RIMS1: variants seen among roughly 807,000 people sequenced by gnomAD.
RIMS1 encodes regulating synaptic membrane exocytosis 1, also known as regulating synaptic membrane exocytosis protein 1.
A neutral mutation model predicts 214.1 loss-of-function variants in RIMS1; 83 were observed. The observed-to-expected ratio is 0.39, with a 90% CI of 0.32 to 0.47. The LOEUF is 0.47. Among genes scored for constraint, RIMS1 ranks in the 20% least tolerant of loss-of-function variants. The probability of loss-of-function intolerance (pLI) is 0.99; values close to 1 mark genes in which losing one functional copy is unlikely to be tolerated. For synonymous variants in RIMS1, 793 were observed against 786.8 expected (o/e 1.01, Z -0.13); for missense variants, 2,050 against 2,161.8 (o/e 0.95, Z 1.03).
chr6:72,042,161 A>G (rs1005413616), intron 2 of RIMS1, among the ~76,000 whole-genome samples: 1 of 151,890 alleles, frequency 6.6e-6, no homozygotes, highest in Non-Finnish European at 1.5e-5. Flanking sequence ...TCACAAATTG[A>G]CTAAACTTTC....
intron 4 of RIMS1, among the ~76,000 whole-genome samples, chr6:72,178,423 A>G (rs1302073227): frequency 5.9e-5 from 9 of 151,880 alleles, no homozygotes; most frequent in Admixed American, 5.9e-4. Flanking sequence ...TTCTTTTACT[A>G]TTTTCTATTA....
chr6:72,247,395 C>T (rs1590394816), intron 11 of RIMS1, among the ~76,000 whole-genome samples: 1 of 151,824 alleles, frequency 6.6e-6, no homozygotes, highest in Non-Finnish European at 1.5e-5. Flanking sequence ...ATTAGCCGGA[C>T]GTGTTGGTGC....
chr6:72,146,550 C>T (rs2042780574), intron 4 of RIMS1, among the ~76,000 whole-genome samples: 1 of 152,096 alleles, frequency 6.6e-6, no homozygotes, highest in African/African-American at 2.4e-5. Flanking sequence ...TTAGAAAACC[C>T]TGTTGTGCTT....
chr6:72,025,216 C>CT (rs1050808444), intron 2 of RIMS1, among the ~76,000 whole-genome samples: 20 of 152,020 alleles, frequency 1.3e-4, no homozygotes, highest in Non-Finnish European at 2.6e-4. Context: ...GTCTGCGTTC[C>CT]TTTTTTGCCA....
intron 1 of RIMS1, among the ~76,000 whole-genome samples, chr6:71,924,570 G>C (rs1780988707): frequency 6.7e-6 from 1 of 148,434 alleles, no homozygotes; most frequent in South Asian, 2.1e-4. Flanking sequence ...AAGACCGACT[G>C]ATTGCTTAAG....
chr6:72,324,330 C>A (rs1339062298), intron 28 of RIMS1, among the ~76,000 whole-genome samples: 1 of 151,878 alleles, frequency 6.6e-6, no homozygotes, highest in Non-Finnish European at 1.5e-5. Flanking sequence ...ACAGATCTTG[C>A]ATTATTTTGA....
intron 6 of RIMS1, among the ~76,000 whole-genome samples, chr6:72,200,900 G>A (rs905013025): frequency 7.8e-6 from 1 of 128,414 alleles, no homozygotes; most frequent in Non-Finnish European, 1.8e-5. Context: ...TGTGTGTGTG[G>A]TCTGAGCTAA....
chr6:71,990,642 C>T (rs766180417), intron 2 of RIMS1, among the ~76,000 whole-genome samples: 2 of 151,930 alleles, frequency 1.3e-5, no homozygotes, highest in African/African-American at 2.4e-5. Context: ...TCGGAGATGG[C>T]TTCCATGAGA....
At chr6:71,920,628 A>T (rs549380188) in intron 1 of RIMS1, among the ~76,000 whole-genome samples, 87 of 152,284 alleles carry the variant, frequency 5.7e-4, no homozygotes, top group African/African-American at 2.0e-3. Flanking sequence ...CAATGTTTTT[A>T]TACAAATGAG....
At chr6:72,286,204 A>C (rs1053267959) in intron 24 of RIMS1, among the ~76,000 whole-genome samples, 1 of 152,194 alleles carries the variant, frequency 6.6e-6, no homozygotes, top group African/African-American at 2.4e-5. Context: ...TCTCAAAAAA[A>C]AAAAAAAATT....
At chr6:72,127,610 A>G (rs1400430497) in intron 4 of RIMS1, among the ~76,000 whole-genome samples, 1 of 152,158 alleles carries the variant, frequency 6.6e-6, no homozygotes, top group Non-Finnish European at 1.5e-5. Context: ...TACACTGGCT[A>G]GTACAGACAC....
chr6:72,193,194 G>A (rs1490657744), intron 6 of RIMS1, among the ~76,000 whole-genome samples: 1 of 152,224 alleles, frequency 6.6e-6, no homozygotes, highest in Admixed American at 6.5e-5. Flanking sequence ...CTGATGTGAA[G>A]AACTTATTGC....
At chr6:71,983,111 A>T (rs1462944072) in intron 2 of RIMS1, among the ~76,000 whole-genome samples, 1 of 152,080 alleles carries the variant, frequency 6.6e-6, no homozygotes, top group Non-Finnish European at 1.5e-5. Context: ...TCCAAAACGT[A>T]CTTGACCACC....
At chr6:72,299,659 A>G (rs1043152427) in intron 26 of RIMS1, among the ~76,000 whole-genome samples, 1 of 152,030 alleles carries the variant, frequency 6.6e-6, no homozygotes, top group South Asian at 2.1e-4. Flanking sequence ...TATGAGCATT[A>G]ACTTTACTTT....
At position 72,026,462 on chromosome 6, in the gene RIMS1, C is replaced by G. The variant is rs553431955; in HGVS notation, c.245+57399C>G. Among the ~76,000 whole-genome samples the G allele has an allele frequency of 1.5e-4, 21 of 142,048 alleles. 1 individual carries two copies. In the South Asian group the frequency reaches 3.2e-3, roughly 22 times the overall value. 93.2% of individuals were successfully genotyped at this position (142,048 alleles called of 152,430 possible). ...TTCTTCTCCCCCAGCACCGCCCCCC[C>G]CCCCAACTTTTTTTTTTCAAACTAT... On this transcript the variant is annotated intron_variant, in intron 2 of 33. Coordinates refer to ENST00000521978, the MANE Select transcript of RIMS1 (RefSeq NM_014989.7).
chr6:72,063,531 G>A (rs568172512), intron 2 of RIMS1, among the ~76,000 whole-genome samples: 2 of 152,322 alleles, frequency 1.3e-5, no homozygotes, highest in South Asian at 4.1e-4. Context: ...TGAAGGAACT[G>A]GTGAATGTTG....
chr6:72,237,785 T>C (rs1442871722), intron 8 of RIMS1, 38 bp from the exon 9 acceptor site: 1 of 1,389,226 alleles, frequency 7.2e-7, no homozygotes, highest in Non-Finnish European at 1.0e-6. Flanking sequence ...TATGTTTTAG[T>C]ATGAGTCTTG....
intron 4 of RIMS1, among the ~76,000 whole-genome samples, chr6:72,170,162 C>T (rs1025692518): frequency 1.3e-5 from 2 of 152,094 alleles, no homozygotes; most frequent in East Asian, 1.9e-4. Context: ...ATGCTTTCCT[C>T]CAGATACCTG....
intron 2 of RIMS1, among the ~76,000 whole-genome samples, chr6:72,084,354 AT>A (rs1157779829): frequency 1.3e-5 from 2 of 152,120 alleles, no homozygotes; most frequent in African/African-American, 2.4e-5. Context: ...CTACTTTATG[AT>A]TTCTCATAAT....
Sources: allele counts gnomAD v4.1 joint callset (sites outside exome capture counted in the v4.1 genomes callset), GRCh38; gene constraint gnomAD v4.1.1; transcripts MANE v1.5; gene names NCBI Gene and HGNC (gene_info 2026-07-23, HGNC 2026-07-21).